CNTNAP5: variants seen among roughly 807,000 people sequenced by gnomAD.
CNTNAP5 encodes contactin associated protein family member 5.
CNTNAP5 carries 72 observed loss-of-function variants against 150.2 expected under a neutral mutation model. That is an observed-to-expected ratio of 0.48 (90% CI 0.40 to 0.58). CNTNAP5 has a LOEUF of 0.58. Ranked by LOEUF, CNTNAP5 falls within the 20% of genes least tolerant of loss-of-function variation. The probability of loss-of-function intolerance (pLI) is 0.00; values close to 1 mark genes in which losing one functional copy is unlikely to be tolerated. For synonymous variants in CNTNAP5, 672 were observed against 619.8 expected, an observed-to-expected ratio of 1.08 and a Z score of -1.25; for missense variants, 1,636 against 1,626.2, an observed-to-expected ratio of 1.01 and a Z score of -0.10.
At chr2:124,099,107 C>T (rs1027864990) in intron 1 of CNTNAP5, among the ~76,000 whole-genome samples, 14 of 152,168 alleles carry the variant, frequency 9.2e-5, no homozygotes, top group Admixed American at 7.2e-4. Flanking sequence ...ATATATCCAT[C>T]CTCACACTGT....
chr2:124,461,868 A>AT (rs201383129), intron 6 of CNTNAP5, among the ~76,000 whole-genome samples: 11,599 of 27,834 alleles, frequency 0.42, 799 homozygotes, highest in South Asian at 0.55. Context: ...CTCAAAAAAA[A>AT]AAAAGAAAAA....
intron 14 of CNTNAP5, among the ~76,000 whole-genome samples, chr2:124,754,672 T>C (rs1310979631): frequency 6.6e-6 from 1 of 152,148 alleles, no homozygotes; most frequent in Admixed American, 6.6e-5. Context: ...AATGTTCCCA[T>C]GACTGGGTTT....
chr2:124,282,285 G>A (rs927925497), intron 3 of CNTNAP5, among the ~76,000 whole-genome samples: 4 of 152,134 alleles, frequency 2.6e-5, no homozygotes, highest in Non-Finnish European at 5.9e-5. Flanking sequence ...TTCTGAAATG[G>A]GAATCATAGT....
chr2:124,462,005 T>C (rs1280655162), intron 6 of CNTNAP5, among the ~76,000 whole-genome samples: 6 of 152,048 alleles, frequency 3.9e-5, no homozygotes, highest in Admixed American at 1.3e-4. Context: ...AGAGTTATTA[T>C]TATGTATGGC....
intron 13 of CNTNAP5, among the ~76,000 whole-genome samples, chr2:124,720,162 G>A (rs770586055): frequency 3.3e-5 from 5 of 152,122 alleles, no homozygotes; most frequent in Non-Finnish European, 5.9e-5. Flanking sequence ...GAATTCTCAC[G>A]GTGACCCCAC....
intron 1 of CNTNAP5, among the ~76,000 whole-genome samples, chr2:124,150,650 A>G (rs2104633122): frequency 6.6e-6 from 1 of 152,212 alleles, no homozygotes; most frequent in Non-Finnish European, 1.5e-5. Flanking sequence ...GTGGGGAGAG[A>G]GAAAGAAAGA....
At chr2:124,713,323 C>CT (rs769731055) in intron 13 of CNTNAP5, among the ~76,000 whole-genome samples, 2 of 42,026 alleles carry the variant, frequency 4.8e-5, no homozygotes, top group East Asian at 1.9e-3. Flanking sequence ...TCTTTCCTTT[C>CT]TTTCTTTCTT....
chr2:124,442,522 G>C (rs1363888278), intron 5 of CNTNAP5, among the ~76,000 whole-genome samples: 2 of 152,240 alleles, frequency 1.3e-5, no homozygotes, highest in Admixed American at 1.3e-4. Context: ...AAAACATAAA[G>C]GTAGAACTGT....
intron 1 of CNTNAP5, among the ~76,000 whole-genome samples, chr2:124,156,974 T>A (rs1294509334): frequency 6.6e-6 from 1 of 152,150 alleles, no homozygotes. Context: ...AATCACCTGA[T>A]AGTTATGGAA....
intron 3 of CNTNAP5, among the ~76,000 whole-genome samples, chr2:124,264,656 G>A (rs1027482203): frequency 2.6e-5 from 4 of 152,116 alleles, no homozygotes; most frequent in Non-Finnish European, 5.9e-5. Flanking sequence ...ATGTGGGGTG[G>A]GATGGAATGA....
chr2:124,306,927 C>T (rs978683674), intron 3 of CNTNAP5, among the ~76,000 whole-genome samples: 1 of 151,706 alleles, frequency 6.6e-6, no homozygotes, highest in Non-Finnish European at 1.5e-5. Flanking sequence ...GGGGTTTCAC[C>T]ATGTTGGCCA....
chr2:124,865,717 G>A lies in CNTNAP5; in HGVS notation c.3348+281G>A, dbSNP rs149243199. Among the ~76,000 whole-genome samples, 150 of 152,082 alleles carry A rather than the reference G, an allele frequency of 9.9e-4. 2 individuals carry two copies. The highest frequency in any genetic ancestry group is 3.2e-3 in the African/African-American group (132 of 41,498). ...TCCCAGCACTTTGGGAGTCTGAGGC[G>A]GGCAGATCAAGAGGTCAGGAGTTCG... On this transcript the variant is annotated intron_variant, in intron 20 of 23. Coordinates refer to ENST00000682447, the MANE Select transcript of CNTNAP5 (RefSeq NM_001367498.1).
At chr2:124,354,663 A>G (rs1274245897) in intron 3 of CNTNAP5, among the ~76,000 whole-genome samples, 1 of 152,198 alleles carries the variant, frequency 6.6e-6, no homozygotes, top group African/African-American at 2.4e-5. Flanking sequence ...GCCAGTTCTC[A>G]GTTTTATCTT....
chr2:124,232,608 C>T (rs1558812122), intron 2 of CNTNAP5, among the ~76,000 whole-genome samples: 1 of 151,982 alleles, frequency 6.6e-6, no homozygotes, highest in Non-Finnish European at 1.5e-5. Flanking sequence ...TCATGGTGAC[C>T]CCCTCCTCAT....
chr2:124,830,423 G>T (rs996284673), intron 19 of CNTNAP5, among the ~76,000 whole-genome samples: 1 of 151,930 alleles, frequency 6.6e-6, no homozygotes, highest in Non-Finnish European at 1.5e-5. Context: ...AAAACATAAA[G>T]AAAAACCTCC....
chr2:124,218,201 G>C (rs1216863805), intron 1 of CNTNAP5, among the ~76,000 whole-genome samples: 1 of 152,078 alleles, frequency 6.6e-6, no homozygotes, highest in Non-Finnish European at 1.5e-5. Flanking sequence ...TTTGCAATCA[G>C]ACCTTGGCGA....
intron 13 of CNTNAP5, among the ~76,000 whole-genome samples, chr2:124,649,592 T>C (rs1678277410): frequency 6.6e-6 from 1 of 152,218 alleles, no homozygotes; most frequent in South Asian, 2.1e-4. Context: ...CTCAGCTGCC[T>C]CACTGTCCCT....
intron 13 of CNTNAP5, among the ~76,000 whole-genome samples, chr2:124,725,552 T>G (rs1680139175): frequency 6.7e-6 from 1 of 149,856 alleles, no homozygotes; most frequent in Non-Finnish European, 1.5e-5. Context: ...TCTCTCTCAC[T>G]CTTTCTTTTT....
intron 21 of CNTNAP5, among the ~76,000 whole-genome samples, chr2:124,881,251 A>C (rs1399101184): frequency 6.6e-6 from 1 of 152,114 alleles, no homozygotes; most frequent in African/African-American, 2.4e-5. Context: ...GGCTATGCTA[A>C]TGCCTAACCT....
Sources: allele counts gnomAD v4.1 joint callset (sites outside exome capture counted in the v4.1 genomes callset), GRCh38; gene constraint gnomAD v4.1.1; transcripts MANE v1.5; gene names NCBI Gene and HGNC (gene_info 2026-07-23, HGNC 2026-07-21).